The following TXNL4A variants were observed in gnomAD, a reference collection of about 807,000 sequenced individuals.
The protein encoded by TXNL4A is thioredoxin like 4A, also known as thioredoxin-like protein 4A.
Under a neutral mutation model 14.6 loss-of-function variants are expected in TXNL4A, and 17 were observed. That is an observed-to-expected ratio of 1.16 (90% CI 0.80 to 1.74). The LOEUF is 1.74. TXNL4A is among the 40% of genes most tolerant of loss of function. TXNL4A has a pLI of 0.00. For missense variants in TXNL4A, 74 were observed against 195.2 expected (o/e 0.38, Z 3.70); for synonymous variants, 83 against 70.6 (o/e 1.18, Z -0.88).
At chr18:80,009,294 A>T (rs1368991616) in intron 1 of TXNL4A, among the ~76,000 whole-genome samples, 1 of 152,226 alleles carries the variant, frequency 6.6e-6, no homozygotes, top group Non-Finnish European at 1.5e-5. Flanking sequence ...AGGAAACATC[A>T]GTGCCTCAGT....
intron 1 of TXNL4A, among the ~76,000 whole-genome samples, chr18:80,029,094 C>G (rs1382414890): frequency 6.6e-6 from 1 of 152,198 alleles, no homozygotes; most frequent in Non-Finnish European, 1.5e-5. Flanking sequence ...TACCTGGAAA[C>G]AGTCAGGGAG....
Position 79,988,460 on chromosome 18 carries a change from C to T in TXNL4A, c.-68G>A. The T allele has an allele frequency of 7.8e-7, 1 of 1,275,942 alleles. No individual in the cohort carries two copies. Among genetic ancestry groups the T allele is most frequent in the Non-Finnish European group, 9.9e-7 (1 of 1,006,248 alleles). The allele number at this position is 1,275,942 out of a possible 1,614,324, so 79.0% of individuals were successfully genotyped here. ...GAGGGCCCAGCGAGGTGGGCTCAGC[C>T]GGCCCCTCACTCCCCGGCCCCCGCC... On this transcript the variant is annotated 5_prime_UTR_variant, in exon 1 of 3. Transcript: ENST00000269601.
intron 2 of TXNL4A, among the ~76,000 whole-genome samples, chr18:79,975,789 C>T (rs1012482115): frequency 2.6e-5 from 4 of 151,978 alleles, no homozygotes; most frequent in Non-Finnish European, 5.9e-5. Context: ...AAGCAACACA[C>T]TCGGGATATT....
upstream of TXNL4A, among the ~76,000 whole-genome samples, chr18:79,991,107 C>CAAA (rs34442066): frequency 6.6e-5 from 6 of 91,570 alleles, no homozygotes; most frequent in African/African-American, 1.3e-4. Context: ...GACTCCGTCT[C>CAAA]AAAAAAAAAA....
chr18:79,989,279 T>C (rs1476022692), upstream of TXNL4A, among the ~76,000 whole-genome samples: 1 of 152,192 alleles, frequency 6.6e-6, no homozygotes, highest in Non-Finnish European at 1.5e-5. Context: ...GGCTAGTGTT[T>C]TTTTGTACTT....
At chr18:80,028,426 T>C (rs1054162971) in intron 1 of TXNL4A, among the ~76,000 whole-genome samples, 2 of 151,412 alleles carry the variant, frequency 1.3e-5, no homozygotes, top group Non-Finnish European at 2.9e-5. Flanking sequence ...CTACTTCCAG[T>C]ATAATAATCT....
At position 79,973,063 on chromosome 18, in the gene TXNL4A, T is replaced by C. The variant is rs1273821133; in HGVS notation, c.*622A>G. 1 of 152,238 alleles carries C rather than the reference T, an allele frequency of 6.6e-6. No individual in the cohort carries two copies. Among genetic ancestry groups the C allele is most frequent in the Non-Finnish European group, 1.5e-5 (1 of 68,070 alleles). 9.4% of individuals were successfully genotyped at this position (152,238 alleles called of 1,614,324 possible). A position where few individuals can be genotyped will look rare whatever the true frequency, so the allele number is the denominator to read the frequency against. ...GTAATTAGTTAAGATTAGGCCATGCTGGAGCAGGGTGGGCCCCAATCCAAC... is the reference window on the plus strand; with the variant it reads ...GTAATTAGTTAAGATTAGGCCATGCCGGAGCAGGGTGGGCCCCAATCCAAC... On this transcript the variant is annotated 3_prime_UTR_variant, in exon 3 of 3. Coordinates refer to ENST00000269601, the MANE Select transcript of TXNL4A (RefSeq NM_006701.5).
Position 79,977,621 on chromosome 18 carries a change from T to A in TXNL4A, c.234A>T (p.Pro78=). Residue 78 remains proline, a synonymous_variant, in exon 2 of 3, where the codon CCA becomes CCT. Transcript: ENST00000269601. ...ACCTGAAGAAAAACATGACAGTACA[T>A]GGATCGTATAACTCATACATTTTGT... ...DFNKMYELYD[P]CTVMFFFRNK... 1 of 1,610,610 alleles carries A rather than the reference T, an allele frequency of 6.2e-7. No individual in the cohort carries two copies. Among genetic ancestry groups the A allele is most frequent in the Non-Finnish European group, 8.5e-7 (1 of 1,178,824 alleles).
rs538442834 is a variant in TXNL4A, at chr18:80,021,630, TG to T, written c.-61+12220del. Among the ~76,000 whole-genome samples the T allele has an allele frequency of 4.7e-4, 71 of 152,366 alleles. No individual in the cohort carries two copies. The East Asian group carries it at 0.012, about 26-fold the overall frequency. ...ACGGATTAGGAACCACTGGATGGATTGGAACTATAGCTTTATTAACAAGATG... is the reference window on the plus strand; with the variant it reads ...ACGGATTAGGAACCACTGGATGGATTGAACTATAGCTTTATTAACAAGATG... On this transcript the variant is annotated intron_variant, in intron 1 of 2. Coordinates refer to the TXNL4A transcript ENST00000585474.
At chr18:80,019,434 CCT>C (rs1162961983) in intron 1 of TXNL4A, among the ~76,000 whole-genome samples, 1 of 152,148 alleles carries the variant, frequency 6.6e-6, no homozygotes, top group Non-Finnish European at 1.5e-5. Flanking sequence ...GATTCAAGTA[CCT>C]CCCCCTGGGT....
chr18:79,986,595 C>T, intron 1 of TXNL4A: 1 of 985,454 alleles, frequency 1.0e-6, no homozygotes, highest in Non-Finnish European at 1.2e-6. Context: ...AGACCCTAAA[C>T]ACTTACATTA....
rs2051333778 is a variant in TXNL4A at position 79,973,650 on chromosome 18, C to T, written c.*35G>A. 1 of 1,576,728 alleles carries T rather than the reference C, an allele frequency of 6.3e-7. No individual in the cohort carries two copies. The highest frequency in any genetic ancestry group is 1.4e-5 in the African/African-American group (1 of 73,228). On this transcript the variant is annotated 3_prime_UTR_variant, in exon 3 of 3. Coordinates refer to ENST00000269601, the MANE Select transcript of TXNL4A (RefSeq NM_006701.5). ...TTAAAACGTTTCCATACAAAAAGGG[C>T]TCCACGACATTTATCCGCGCAGACT...
intron 1 of TXNL4A, among the ~76,000 whole-genome samples, chr18:80,026,208 A>G (rs865898722): frequency 6.6e-6 from 1 of 152,238 alleles, no homozygotes; most frequent in Admixed American, 6.5e-5. Context: ...CGATTATCCC[A>G]CGCTACGATA....
chr18:79,991,279 A>G (rs946303965), upstream of TXNL4A, among the ~76,000 whole-genome samples: 3 of 151,808 alleles, frequency 2.0e-5, no homozygotes, highest in Admixed American at 6.6e-5. Context: ...GTCATTTCCC[A>G]TTTCCCTCCC....
chr18:79,998,657 A>C (rs894922571), intron 1 of TXNL4A, among the ~76,000 whole-genome samples: 2 of 149,362 alleles, frequency 1.3e-5, no homozygotes, highest in African/African-American at 2.5e-5. Context: ...AGTCTGTTGA[A>C]GAAATAAGTA....
At chr18:79,996,855 A>G (rs1278985520) in intron 1 of TXNL4A, among the ~76,000 whole-genome samples, 1 of 152,184 alleles carries the variant, frequency 6.6e-6, no homozygotes, top group African/African-American at 2.4e-5. Context: ...AGGCAGGAAA[A>G]TCACTTGAAC....
intron 1 of TXNL4A, among the ~76,000 whole-genome samples, chr18:80,027,204 G>T (rs967869246): frequency 6.6e-6 from 1 of 151,978 alleles, no homozygotes; most frequent in Non-Finnish European, 1.5e-5. Context: ...TTTTGTCTCC[G>T]ATATTGTAGA....
Position 80,011,321 on chromosome 18 carries a change from A to G in TXNL4A, c.-61+22530T>C, listed in dbSNP as rs1874645515. ...AGTGATTTCAATTTGGTTTTTAAGG[A>G]CTTGTAAATTTTTCTCTACCTGACT... On this transcript the variant is annotated intron_variant, in intron 1 of 2. Transcript: ENST00000585474. The surrounding 1 kb of genome is among the most constrained non-coding windows in gnomAD (Gnocchi z 4.1). 6.6e-6 allele frequency among the ~76,000 whole-genome samples: 1 copy of G among 152,158 alleles called. No homozygotes were observed. The highest frequency in any genetic ancestry group is 1.5e-5 in the Non-Finnish European group (1 of 68,032).
At chr18:80,006,712 G>T (rs184986073) in intron 1 of TXNL4A, among the ~76,000 whole-genome samples, 11 of 152,290 alleles carry the variant, frequency 7.2e-5, no homozygotes, top group African/African-American at 2.6e-4. Context: ...ATAGGCAAAA[G>T]AGAAAAGTTC....
Sources: allele counts gnomAD v4.1 joint callset (sites outside exome capture counted in the v4.1 genomes callset), GRCh38; gene constraint gnomAD v4.1.1; non-coding constraint Gnocchi (gnomAD v3.1); transcripts MANE v1.5; gene names NCBI Gene and HGNC (gene_info 2026-07-23, HGNC 2026-07-21).